Variants in WWC2 observed in about 807,000 individuals in gnomAD.
WWC2 encodes the protein WW and C2 domain containing 2, also known as protein WWC2.
WWC2 carries 101 observed loss-of-function variants against 138.5 expected under a neutral mutation model. The observed-to-expected ratio is 0.73, with a 90% confidence interval of 0.62 to 0.86. WWC2 has a LOEUF of 0.86. Among genes scored for constraint, WWC2 ranks in the 40% least tolerant of loss-of-function variants. The probability of loss-of-function intolerance (pLI) is 0.00; values close to 1 mark genes in which losing one functional copy is unlikely to be tolerated. For synonymous variants in WWC2, 558 were observed against 538.4 expected (o/e 1.04, Z -0.50); for missense variants, 1,420 against 1,419.4 (o/e 1.00, Z -0.01).
chr4:183,290,671 C>T (rs1453584717), intron 21 of WWC2, among the ~76,000 whole-genome samples: 1 of 152,074 alleles, frequency 6.6e-6, no homozygotes, highest in Non-Finnish European at 1.5e-5. Context: ...TATTCATATC[C>T]ATATGTAGTA....
intron 2 of WWC2, among the ~76,000 whole-genome samples, chr4:183,200,082 A>G (rs1245892615): frequency 1.3e-5 from 2 of 152,220 alleles, no homozygotes; most frequent in African/African-American, 2.4e-5. Flanking sequence ...TGAATTGTGC[A>G]GTATTTCAGA....
intron 1 of WWC2, among the ~76,000 whole-genome samples, chr4:183,154,351 G>A (rs903242682): frequency 2.6e-5 from 4 of 152,142 alleles, no homozygotes; most frequent in Admixed American, 1.3e-4. Flanking sequence ...AGCATCCAGC[G>A]ATACCTGCTC....
chr4:183,269,265 G>A, intron 15 of WWC2, 102 bp downstream of exon 15: 1 of 1,149,130 alleles, frequency 8.7e-7, no homozygotes, highest in Non-Finnish European at 1.2e-6. Flanking sequence ...AATCACTACA[G>A]ACCTGCCCAA....
intron 1 of WWC2, among the ~76,000 whole-genome samples, chr4:183,181,747 G>C (rs569651039): frequency 6.6e-6 from 1 of 152,258 alleles, no homozygotes; most frequent in East Asian, 1.9e-4. Context: ...ATCTGTGCAA[G>C]GAGTTAGCAC....
At chr4:183,310,656 A>T (rs1310176361) in intron 21 of WWC2, among the ~76,000 whole-genome samples, 14 of 137,812 alleles carry the variant, frequency 1.0e-4, no homozygotes, top group East Asian at 6.3e-4. Context: ...ACATGCCACC[A>T]CACCTAGCTA....
rs772267389 is a variant in WWC2 at position 183,318,458 on chromosome 4, T to C, written c.*2729T>C. The stretch of plus-strand genomic sequence containing the variant: ...GATTAACTGGTTTCTGCACTTTCCA[T>C]GTGTTTGTGGGTGGAAAAAAATTCA... On this transcript the variant is annotated 3_prime_UTR_variant, in exon 23 of 23. Coordinates refer to ENST00000403733, the MANE Select transcript of WWC2 (RefSeq NM_024949.6). 6.7e-6 allele frequency: 1 copy of C among 150,320 alleles called. No individual in the cohort carries two copies. The highest frequency in any genetic ancestry group is 1.5e-5 in the Non-Finnish European group (1 of 67,680). 9.3% of individuals were successfully genotyped at this position (150,320 alleles called of 1,614,324 possible). A position where few individuals can be genotyped will look rare whatever the true frequency, so the allele number is the denominator to read the frequency against.
rs1362256546 is a variant in WWC2 at position 183,269,046 on chromosome 4, A to C, written c.2283A>C (p.Thr761=). Residue 761 remains threonine (T), a synonymous_variant, in exon 15 of 23, where the codon ACA becomes ACC. Transcript: ENST00000403733. The part of the protein sequence containing the change: ...CLFRTKVHPP[T]ESILFNDVFR... ...TTCGCACAAAAGTTCATCCGCCCAC[A>C]GAATCCATTTTATTCAATGATGTGT... 1 of 1,613,818 alleles carries C rather than the reference A, an allele frequency of 6.2e-7. No homozygotes were observed. Among genetic ancestry groups the C allele is most frequent in the Non-Finnish European group, 8.5e-7 (1 of 1,179,892 alleles).
chr4:183,267,147 G>A (rs545439093), intron 14 of WWC2, among the ~76,000 whole-genome samples: 3 of 151,898 alleles, frequency 2.0e-5, no homozygotes, highest in East Asian at 1.9e-4. Flanking sequence ...GTGAGCCACC[G>A]AGCCCAGCCA....
chr4:183,248,590 A>T, intron 6 of WWC2, 124 bp from the exon 7 acceptor site: 1 of 957,004 alleles, frequency 1.0e-6, no homozygotes, highest in Non-Finnish European at 1.5e-6. Context: ...AATGGTAAGT[A>T]CCTACTAAAA....
chr4:183,139,949 A>C (rs767262571), intron 1 of WWC2, among the ~76,000 whole-genome samples: 1 of 152,096 alleles, frequency 6.6e-6, no homozygotes, highest in East Asian at 1.9e-4. Context: ...AGTAGGTGGG[A>C]TCATAGGTGC....
chr4:183,204,027 G>T (rs934325684), intron 2 of WWC2, among the ~76,000 whole-genome samples: 5 of 152,120 alleles, frequency 3.3e-5, no homozygotes, highest in Admixed American at 3.3e-4. Flanking sequence ...AGTGAAAGTG[G>T]TTTATGAAGG....
chr4:183,172,311 A>G (rs963090062), intron 1 of WWC2, among the ~76,000 whole-genome samples: 1 of 152,114 alleles, frequency 6.6e-6, no homozygotes, highest in Admixed American at 6.6e-5. Flanking sequence ...GCTGGATATC[A>G]TGTCTTCCAG....
chr4:183,105,459 G>A (rs889434795), intron 1 of WWC2, among the ~76,000 whole-genome samples: 2 of 152,176 alleles, frequency 1.3e-5, no homozygotes, highest in East Asian at 1.9e-4. Context: ...TCTTCTTGCC[G>A]ATGCAGGAGT....
chr4:183,244,156 G>A (rs1291602436), intron 5 of WWC2, among the ~76,000 whole-genome samples: 4 of 152,068 alleles, frequency 2.6e-5, no homozygotes, highest in East Asian at 1.9e-4. Context: ...GTCTAAGAAC[G>A]TGTATAGAGT....
At chr4:183,310,167 G>A (rs1182655578) in intron 21 of WWC2, among the ~76,000 whole-genome samples, 1 of 152,204 alleles carries the variant, frequency 6.6e-6, no homozygotes, top group African/African-American at 2.4e-5. Context: ...CCCATTGAAT[G>A]TACACCAAGA....
rs376623388 is a variant in WWC2 at position 183,200,748 on chromosome 4, G to A, written c.241+7040G>A. ...TCTCCACAGGACAGCTCACAACGGG[G>A]CAGCTTGCTTTGTTAGAGCCAAAAA... is the stretch of plus-strand genomic sequence containing the variant. On this transcript the variant is annotated intron_variant, in intron 2 of 22. Transcript: ENST00000403733. 4.3e-4 allele frequency among the ~76,000 whole-genome samples: 66 copies of A among 152,324 alleles called. 1 individual carries two copies. The East Asian group carries it at 8.7e-3, about 20-fold the overall frequency.
chr4:183,134,250 T>G (rs993114439), intron 1 of WWC2, among the ~76,000 whole-genome samples: 14 of 152,134 alleles, frequency 9.2e-5, no homozygotes, highest in African/African-American at 3.4e-4. Flanking sequence ...TTTTATAGTT[T>G]GCATTCTGTT....
rs1736918025 is a variant in WWC2 at position 183,249,902 on chromosome 4, T to G, written c.880-18T>G. The G allele has an allele frequency of 1.2e-6, 2 of 1,607,346 alleles. No homozygotes were observed. The highest frequency in any genetic ancestry group is 1.7e-6 in the Non-Finnish European group (2 of 1,175,704). ...TAGCAGAGTTAATTGACTTTTTTCC[T>G]TTTTCTTTTTCCACTAGATTGGAGT... On this transcript the variant is annotated intron_variant, in intron 7 of 22. Coordinates refer to ENST00000403733, the MANE Select transcript of WWC2 (RefSeq NM_024949.6).
chr4:183,285,823 A>G, intron 19 of WWC2, 144 bp from the exon 20 acceptor site: 1 of 686,056 alleles, frequency 1.5e-6, no homozygotes, highest in Non-Finnish European at 2.4e-6. Flanking sequence ...TAGAACAGGA[A>G]AAACTTGTTT....
Sources: allele counts gnomAD v4.1 joint callset (sites outside exome capture counted in the v4.1 genomes callset), GRCh38; gene constraint gnomAD v4.1.1; transcripts MANE v1.5; gene names NCBI Gene and HGNC (gene_info 2026-07-23, HGNC 2026-07-21).